TAFA2: variants seen among roughly 807,000 people sequenced by gnomAD.
The protein encoded by TAFA2 is TAFA chemokine like family member 2, also known as chemokine-like protein TAFA-2.
Under a neutral mutation model 18.8 loss-of-function variants are expected in TAFA2, and 7 were observed. The ratio of observed to expected loss-of-function variants is 0.37; its 90% confidence interval spans 0.21 to 0.70. The LOEUF is 0.70. Ranked by LOEUF, TAFA2 falls within the 30% of genes least tolerant of loss-of-function variation. The pLI is 0.53. For synonymous variants in TAFA2, 60 were observed against 54.2 expected (o/e 1.11, Z -0.47); for missense variants, 122 against 158.1 (o/e 0.77, Z 1.23).
chr12:62,195,058 AG>A (rs2062643434), upstream of TAFA2, among the ~76,000 whole-genome samples: 2 of 152,254 alleles, frequency 1.3e-5, no homozygotes, highest in South Asian at 4.2e-4. Flanking sequence ...GGATCAGGGT[AG>A]TGGTTGCTGA....
chr12:61,972,639 G>A (rs1879289005), intron 1 of TAFA2, among the ~76,000 whole-genome samples: 1 of 151,634 alleles, frequency 6.6e-6, no homozygotes, highest in Admixed American at 6.6e-5. Flanking sequence ...TGAAGAATCT[G>A]TACTGGAAAG....
At chr12:61,961,192 T>G (rs1455619226) in intron 1 of TAFA2, among the ~76,000 whole-genome samples, 2 of 151,822 alleles carry the variant, frequency 1.3e-5, no homozygotes, top group Non-Finnish European at 2.9e-5. Flanking sequence ...ATCAGATCTC[T>G]GAGAACTCAC....
At chr12:62,221,215 GGGGAAGGAAGGAA>G (rs1193034232) in intron 1 of TAFA2, among the ~76,000 whole-genome samples, 32 of 65,962 alleles carry the variant, frequency 4.9e-4, no homozygotes, top group African/African-American at 1.4e-3. Context: ...GGAAGGAAGG[GGGGAAGGAAGGAA>G]GGAAGGAAGG....
chr12:61,731,015 C>T (rs1209872521), intron 4 of TAFA2, among the ~76,000 whole-genome samples: 1 of 152,100 alleles, frequency 6.6e-6, no homozygotes, highest in Non-Finnish European at 1.5e-5. Flanking sequence ...CCCCTTGTGG[C>T]CCTTCCCCAA....
At chr12:61,799,816 C>T (rs183261924) in intron 2 of TAFA2, among the ~76,000 whole-genome samples, 68 of 151,888 alleles carry the variant, frequency 4.5e-4, no homozygotes, top group Admixed American at 8.5e-4. Flanking sequence ...AGCAAGACTC[C>T]GTCTCAAAAT....
At chr12:62,001,665 A>G (rs1008296177) in intron 1 of TAFA2, among the ~76,000 whole-genome samples, 4 of 152,064 alleles carry the variant, frequency 2.6e-5, no homozygotes, top group Non-Finnish European at 5.9e-5. Flanking sequence ...AATACAGACG[A>G]AGCTTCACTT....
At chr12:61,754,152 A>G (rs1215163784) in intron 3 of TAFA2, among the ~76,000 whole-genome samples, 2 of 151,932 alleles carry the variant, frequency 1.3e-5, no homozygotes, top group Non-Finnish European at 2.9e-5. Context: ...TGGACCTATG[A>G]CCAGTTTTTA....
intron 1 of TAFA2, among the ~76,000 whole-genome samples, chr12:62,175,881 TA>T (rs375240246): frequency 0.14 from 308 of 2,174 alleles, 2 homozygotes; most frequent in African/African-American, 0.24. Flanking sequence ...TATATATATA[TA>T]TTAAATTACA....
chr12:61,729,353 C>G (rs191407040), intron 4 of TAFA2, among the ~76,000 whole-genome samples: 2 of 151,932 alleles, frequency 1.3e-5, no homozygotes. Context: ...TCCTTGGGAA[C>G]ACCAATTATT....
intron 1 of TAFA2, chr12:62,255,067 G>A (rs2062931869): frequency 1.3e-5 from 2 of 152,064 alleles, no homozygotes; most frequent in South Asian, 2.1e-4. Context: ...TTAAACTTTC[G>A]AATGAAACAG....
intron 1 of TAFA2, among the ~76,000 whole-genome samples, chr12:62,109,115 T>G (rs1467026426): frequency 6.6e-6 from 1 of 152,104 alleles, no homozygotes; most frequent in Admixed American, 6.6e-5. Context: ...GGTTTTAGGT[T>G]TTACGTTTAA....
chr12:62,254,242 T>C (rs1338133743), intron 1 of TAFA2, among the ~76,000 whole-genome samples: 1 of 152,230 alleles, frequency 6.6e-6, no homozygotes, highest in Non-Finnish European at 1.5e-5. Flanking sequence ...TACTACTATA[T>C]GTTAAGCTCT....
At chr12:62,131,810 C>G (rs2136895156) in intron 1 of TAFA2, among the ~76,000 whole-genome samples, 1 of 152,008 alleles carries the variant, frequency 6.6e-6, no homozygotes, top group South Asian at 2.1e-4. Flanking sequence ...CACTGTTCAA[C>G]CTATTAAATA....
intron 1 of TAFA2, among the ~76,000 whole-genome samples, chr12:61,997,167 A>ATGTGTGTGTGTGTGTGTGTGTGTGTGTG (rs35419865): frequency 6.9e-6 from 1 of 145,640 alleles, no homozygotes; most frequent in Admixed American, 7.0e-5. Context: ...ATATGTATAT[A>ATGTGTGTGTGTGTGTGTGTGTGTGTGTG]TGTGTGTGTG....
intron 1 of TAFA2, among the ~76,000 whole-genome samples, chr12:62,170,873 T>A (rs555514895): frequency 1.3e-5 from 2 of 152,330 alleles, no homozygotes; most frequent in East Asian, 3.9e-4. Flanking sequence ...GGTAGCAGAT[T>A]ACCTTGGCCG....
chr12:61,964,338 T>C (rs1017960937), intron 1 of TAFA2, among the ~76,000 whole-genome samples: 4 of 151,912 alleles, frequency 2.6e-5, no homozygotes, highest in African/African-American at 9.7e-5. Flanking sequence ...ATATTCCTAA[T>C]ATCCTAATTT....
intron 1 of TAFA2, among the ~76,000 whole-genome samples, chr12:62,113,043 C>A (rs1265289672): frequency 1.3e-5 from 2 of 152,018 alleles, no homozygotes; most frequent in Non-Finnish European, 2.9e-5. Flanking sequence ...GAGTTATGAT[C>A]CTTTGAAGGA....
chr12:62,209,568 A>G (rs1459897328), intron 1 of TAFA2, among the ~76,000 whole-genome samples: 2 of 152,230 alleles, frequency 1.3e-5, no homozygotes, highest in Non-Finnish European at 2.9e-5. Context: ...AATTTTCAGT[A>G]CCATTCTTAA....
intron 1 of TAFA2, among the ~76,000 whole-genome samples, chr12:62,214,850 C>T (rs1329287774): frequency 2.6e-5 from 4 of 152,142 alleles, no homozygotes; most frequent in African/African-American, 9.7e-5. Context: ...TATGGCATCC[C>T]TCACAAACTA....
Sources: gnomAD v4.1 joint callset for allele counts (sites outside exome capture counted in the v4.1 genomes callset) on GRCh38, gnomAD v4.1.1 for gene constraint, MANE v1.5 for transcripts, NCBI Gene and HGNC (gene_info 2026-07-23, HGNC 2026-07-21) for gene names.